Variants in NBAS observed in about 807,000 individuals in gnomAD.
The protein encoded by NBAS is NBAS subunit of NRZ tethering complex.
NBAS carries 219 observed loss-of-function variants against 302.5 expected under a neutral mutation model. That is an observed-to-expected ratio of 0.72 (90% confidence interval 0.65 to 0.81). The LOEUF (loss-of-function observed/expected upper bound fraction) is 0.81, where lower values mean the gene tolerates loss of function less well. NBAS is among the 30% of genes least tolerant of loss of function. The probability of loss-of-function intolerance (pLI) is 0.00; values close to 1 mark genes in which losing one functional copy is unlikely to be tolerated. For missense variants in NBAS, 2,932 were observed against 2,841.6 expected, an observed-to-expected ratio of 1.03 and a Z score of -0.72; for synonymous variants, 1,118 against 1,021.6, an observed-to-expected ratio of 1.09 and a Z score of -1.80.
chr2:15,411,246 T>C (rs1433175826), intron 25 of NBAS, among the ~76,000 whole-genome samples: 1 of 152,138 alleles, frequency 6.6e-6, no homozygotes, highest in Non-Finnish European at 1.5e-5. Context: ...GACTTCACCT[T>C]CTATCTCAAG....
chr2:15,415,217 G>C (rs764191419), intron 25 of NBAS, among the ~76,000 whole-genome samples: 1 of 152,162 alleles, frequency 6.6e-6, no homozygotes, highest in Non-Finnish European at 1.5e-5. Flanking sequence ...TATGCCATAG[G>C]ATTGTTATAA....
chr2:14,854,261 A>G, the NBAS span, among the ~76,000 whole-genome samples: 1 of 151,976 alleles, frequency 6.6e-6, no homozygotes, highest in South Asian at 2.1e-4. Flanking sequence ...CTAATGATGC[A>G]TCTTAATTAA....
At position 15,472,310 on chromosome 2, in the gene NBAS, G is replaced by A. The variant is rs189895519; in HGVS notation, c.1725+912C>T. Among the ~76,000 whole-genome samples, 305 of 152,176 alleles carry A rather than the reference G, an allele frequency of 2.0e-3. 1 individual carries two copies. Among genetic ancestry groups the A allele is most frequent in the Non-Finnish European group, 3.7e-3 (250 of 68,012 alleles). ...AACATCAAGTGGCACTTACTTCCCC[G>A]CTTCCTCCCTCTGTTGACAACCTCC... is the stretch of plus-strand genomic sequence containing the variant. On this transcript the variant is annotated intron_variant, in intron 16 of 51. Transcript: ENST00000281513.
At chr2:14,822,514 G>A in the NBAS span, among the ~76,000 whole-genome samples, 1 of 152,074 alleles carries the variant, frequency 6.6e-6, no homozygotes, top group Admixed American at 6.5e-5. Context: ...TATGGCTTTT[G>A]TATACATTTC....
chr2:15,196,084 T>A (rs751068241), intron 48 of NBAS, among the ~76,000 whole-genome samples: 1 of 152,196 alleles, frequency 6.6e-6, no homozygotes, highest in Non-Finnish European at 1.5e-5. Context: ...TTCCTTTCAT[T>A]CTTGCTCTAA....
At chr2:15,349,150 G>A (rs1053266325) in intron 35 of NBAS, among the ~76,000 whole-genome samples, 1 of 152,174 alleles carries the variant, frequency 6.6e-6, no homozygotes, top group Non-Finnish European at 1.5e-5. Flanking sequence ...GGCATGAAAA[G>A]GGATGATGCT....
intron 31 of NBAS, among the ~76,000 whole-genome samples, chr2:15,371,451 C>A (rs4668899): frequency 0.63 from 95,096 of 152,112 alleles, 30,467 homozygotes; most frequent in Middle Eastern, 0.68. Flanking sequence ...TTACCTACCG[C>A]CATATTCACA....
At chr2:15,347,354 C>G (rs1301478033) in intron 35 of NBAS, among the ~76,000 whole-genome samples, 3 of 152,118 alleles carry the variant, frequency 2.0e-5, no homozygotes, top group Non-Finnish European at 4.4e-5. Context: ...CATCAATGTT[C>G]AGAGCAGCAT....
the NBAS span, among the ~76,000 whole-genome samples, chr2:14,853,516 A>G: frequency 1.1e-5 from 1 of 91,880 alleles, no homozygotes; most frequent in Non-Finnish European, 2.0e-5. Flanking sequence ...CAGTGTGGCG[A>G]TTCCTCAGGG....
chr2:15,443,065 A>G (rs1483647154), intron 21 of NBAS, among the ~76,000 whole-genome samples: 3 of 151,856 alleles, frequency 2.0e-5, no homozygotes, highest in Non-Finnish European at 4.4e-5. Flanking sequence ...GCCGAATTCT[A>G]CCAGAGGTAC....
chr2:15,282,313 G>C (rs1230504223), intron 42 of NBAS, among the ~76,000 whole-genome samples: 1 of 152,126 alleles, frequency 6.6e-6, no homozygotes, highest in Non-Finnish European at 1.5e-5. Context: ...CCAGAATTTA[G>C]AATTCTTTAC....
At chr2:14,798,515 A>G in the NBAS span, among the ~76,000 whole-genome samples, 44 of 152,288 alleles carry the variant, frequency 2.9e-4, no homozygotes, top group Admixed American at 2.6e-3. Context: ...TTCTGCATTC[A>G]TAAGTGCTAT....
Position 15,489,048 on chromosome 2 carries a change from C to A in NBAS, c.955-26G>T, listed in dbSNP as rs371893622. 9.3e-6 allele frequency: 15 copies of A among 1,611,036 alleles called. No individual in the cohort carries two copies. The African/African-American group carries it at 1.7e-4, about 19-fold the overall frequency. The stretch of plus-strand genomic sequence containing the variant: ...CTAAATAAGAATCATAAGGTCAGGG[C>A]AAAGGACTTATGGTCAAATGTAAAT... On this transcript the variant is annotated intron_variant, in intron 11 of 51. Coordinates refer to ENST00000281513, the MANE Select transcript of NBAS (RefSeq NM_015909.4).
intron 47 of NBAS, among the ~76,000 whole-genome samples, chr2:15,224,918 A>T (rs1667092341): frequency 6.6e-6 from 1 of 152,244 alleles, no homozygotes; most frequent in Admixed American, 6.5e-5. Context: ...TCTTCTATTT[A>T]TCAGCTCCCA....
At chr2:15,280,328 C>T (rs1302191909) in intron 42 of NBAS, among the ~76,000 whole-genome samples, 1 of 151,458 alleles carries the variant, frequency 6.6e-6, no homozygotes, top group African/African-American at 2.4e-5. Context: ...GAAAGGAGTG[C>T]TTAGAAGGAA....
chr2:14,816,635 C>A, the NBAS span, among the ~76,000 whole-genome samples: 1 of 152,312 alleles, frequency 6.6e-6, no homozygotes, highest in Non-Finnish European at 1.5e-5. Context: ...AGTTCCTTGG[C>A]TATCCGACTA....
chr2:14,943,814 C>A, the NBAS span, among the ~76,000 whole-genome samples: 2 of 151,648 alleles, frequency 1.3e-5, no homozygotes, highest in South Asian at 2.1e-4. Context: ...ATGACTATAA[C>A]CTCAAAGTAA....
the NBAS span, among the ~76,000 whole-genome samples, chr2:15,117,102 T>C: frequency 1.3e-5 from 2 of 151,636 alleles, no homozygotes; most frequent in African/African-American, 2.4e-5. Context: ...AGATCTTACA[T>C]GGCAAACTGT....
chr2:15,517,281 T>G (rs1393113127), intron 9 of NBAS, among the ~76,000 whole-genome samples: 1 of 152,180 alleles, frequency 6.6e-6, no homozygotes, highest in Admixed American at 6.5e-5. Flanking sequence ...GGTAGTTTTT[T>G]GATCCCCACA....
Sources: allele counts gnomAD v4.1 joint callset (sites outside exome capture counted in the v4.1 genomes callset), GRCh38; gene constraint gnomAD v4.1.1; transcripts MANE v1.5; gene names NCBI Gene and HGNC (gene_info 2026-07-23, HGNC 2026-07-21).